The following B3GALT1 variants were observed in gnomAD, a reference collection of about 807,000 sequenced individuals.
B3GALT1 encodes the protein UDP-Gal:betaGlcNAc beta 1,3-galactosyltransferase, polypeptide 1.
B3GALT1 carries 10 observed loss-of-function variants against 23.2 expected under a neutral mutation model. The ratio of observed to expected loss-of-function variants is 0.43; its 90% CI spans 0.27 to 0.73. The LOEUF (loss-of-function observed/expected upper bound fraction) is 0.73. B3GALT1 is among the 30% of genes least tolerant of loss of function. The pLI is 0.21. For synonymous variants in B3GALT1, 156 were observed against 141.5 expected, an observed-to-expected ratio of 1.10 and a Z score of -0.73; for missense variants, 299 against 405.4, an observed-to-expected ratio of 0.74 and a Z score of 2.25.
intron 2 of B3GALT1, among the ~76,000 whole-genome samples, chr2:167,499,672 T>A (rs1699825382): frequency 6.6e-6 from 1 of 152,046 alleles, no homozygotes; most frequent in African/African-American, 2.4e-5. Flanking sequence ...TATGCATGGA[T>A]TTTTCCCCCT....
In B3GALT1 at chr2:167,424,760, G is replaced by A. The variant is rs76703557; in HGVS notation, c.-510-65417G>A. Among the ~76,000 whole-genome samples, 770 of 152,224 alleles carry A rather than the reference G, an allele frequency of 5.1e-3. 8 individuals are homozygous for A. Among genetic ancestry groups the A allele is most frequent in the African/African-American group, 0.018 (736 of 41,528 alleles). ...TAGCCATTCCCTTTTATAGCCAACG[G>A]GGTTCTTGTGAGAGATTATAGAATT... On this transcript the variant is annotated intron_variant, in intron 1 of 4. Coordinates refer to ENST00000392690, the MANE Select transcript of B3GALT1 (RefSeq NM_020981.4).
At chr2:167,546,266 T>C (rs549118391) in intron 2 of B3GALT1, among the ~76,000 whole-genome samples, 1 of 152,330 alleles carries the variant, frequency 6.6e-6, no homozygotes, top group African/African-American at 2.4e-5. Context: ...ATATATGACA[T>C]AACTCAGAGA....
intron 1 of B3GALT1, among the ~76,000 whole-genome samples, chr2:167,383,682 T>G (rs1366783322): frequency 6.6e-6 from 1 of 152,226 alleles, no homozygotes; most frequent in African/African-American, 2.4e-5. Context: ...TGCTCAATAA[T>G]TTTTTAAGCA....
In B3GALT1 at chr2:167,385,490, A is replaced by ATTACTTG. The variant is rs1323127551; in HGVS notation, c.-511+92156_-511+92157insTTACTTG. 3.6e-3 allele frequency among the ~76,000 whole-genome samples: 547 copies of ATTACTTG among 152,342 alleles called. 1 individual carries two copies. Among genetic ancestry groups the ATTACTTG allele is most frequent in the Middle Eastern group, 0.017 (5 of 294 alleles). On this transcript the variant is annotated intron_variant, in intron 1 of 4. Coordinates refer to ENST00000392690, the MANE Select transcript of B3GALT1 (RefSeq NM_020981.4). The stretch of plus-strand genomic sequence containing the variant: ...AGTACCCATTACTTGGTACATGCTC[A>ATTACTTG]GTAAATATTTGAATTTATTGTATGT...
At chr2:167,648,454 T>A (rs185939143) in intron 3 of B3GALT1, among the ~76,000 whole-genome samples, 2 of 152,146 alleles carry the variant, frequency 1.3e-5, no homozygotes, top group African/African-American at 4.8e-5. Flanking sequence ...GAAATGTCTC[T>A]ACTCATCCCA....
Position 167,582,353 on chromosome 2 carries a change from G to A in B3GALT1, c.-409-64556G>A, listed in dbSNP as rs577416471. Among the ~76,000 whole-genome samples, 26 of 152,256 alleles carry A rather than the reference G, an allele frequency of 1.7e-4. No homozygotes were observed. In the South Asian group the frequency reaches 2.3e-3, roughly 13 times the overall value. ...AGTTGTTTTAACAATAGTAATAAGC[G>A]TTATGAGACTGGCTTTGTGGTTAGC... On this transcript the variant is annotated intron_variant, in intron 2 of 4. Transcript: ENST00000392690.
chr2:167,479,718 G>A (rs1242824163), intron 1 of B3GALT1, among the ~76,000 whole-genome samples: 1 of 151,904 alleles, frequency 6.6e-6, no homozygotes, highest in Non-Finnish European at 1.5e-5. Flanking sequence ...TCACCCAATG[G>A]GTTTTTCTTG....
chr2:167,761,578 T>TTG (rs1439022174), intron 3 of B3GALT1, among the ~76,000 whole-genome samples: 2 of 152,238 alleles, frequency 1.3e-5, no homozygotes, highest in African/African-American at 4.8e-5. Flanking sequence ...AGAGGAGAGA[T>TTG]TGTGAAAGAG....
chr2:167,735,322 A>G (rs978578441), intron 3 of B3GALT1, among the ~76,000 whole-genome samples: 6 of 152,210 alleles, frequency 3.9e-5, no homozygotes, highest in African/African-American at 1.4e-4. Flanking sequence ...TTTTATTAAT[A>G]TATTTCCTAG....
At chr2:167,409,170 G>T (rs1236553845) in intron 1 of B3GALT1, among the ~76,000 whole-genome samples, 2 of 152,080 alleles carry the variant, frequency 1.3e-5, no homozygotes, top group East Asian at 3.9e-4. Context: ...TTTCTCTCTG[G>T]CTGTTCTTAA....
At chr2:167,634,959 TG>T (rs879695213) in intron 2 of B3GALT1, among the ~76,000 whole-genome samples, 46 of 152,298 alleles carry the variant, frequency 3.0e-4, no homozygotes, top group Admixed American at 2.9e-3. Context: ...TATAAAATAC[TG>T]GCAAACTGAA....
At chr2:167,352,425 A>G (rs1337407483) in intron 1 of B3GALT1, among the ~76,000 whole-genome samples, 2 of 151,660 alleles carry the variant, frequency 1.3e-5, no homozygotes, top group Non-Finnish European at 2.9e-5. Context: ...AATAATTAAG[A>G]TATCTCGAAA....
intron 3 of B3GALT1, among the ~76,000 whole-genome samples, chr2:167,793,056 C>T (rs572847940): frequency 3.3e-5 from 5 of 152,054 alleles, no homozygotes; most frequent in East Asian, 1.9e-4. Flanking sequence ...TTATATAAAC[C>T]GAAAAGGAGT....
intron 4 of B3GALT1, among the ~76,000 whole-genome samples, chr2:167,853,058 C>T (rs1484653855): frequency 2.6e-5 from 4 of 152,138 alleles, no homozygotes; most frequent in Non-Finnish European, 4.4e-5. Context: ...GTTATTTTCC[C>T]ATTTGAGGTA....
chr2:167,787,348 A>G (rs954651675), intron 3 of B3GALT1, among the ~76,000 whole-genome samples: 5 of 152,208 alleles, frequency 3.3e-5, no homozygotes, highest in African/African-American at 1.2e-4. Context: ...AGCTCCTTAG[A>G]TAAGTAATGC....
intron 4 of B3GALT1, among the ~76,000 whole-genome samples, chr2:167,844,853 T>C (rs1689723246): frequency 6.6e-6 from 1 of 152,044 alleles, no homozygotes; most frequent in South Asian, 2.1e-4. Flanking sequence ...TGGGGCAGGT[T>C]TTCAAGCCTG....
chr2:167,549,556 A>G (rs1163649845), intron 2 of B3GALT1, among the ~76,000 whole-genome samples: 1 of 152,118 alleles, frequency 6.6e-6, no homozygotes, highest in Non-Finnish European at 1.5e-5. Context: ...ATTCTTACCT[A>G]CATCTTTATG....
chr2:167,365,328 T>G (rs2105265787), intron 1 of B3GALT1, among the ~76,000 whole-genome samples: 1 of 152,282 alleles, frequency 6.6e-6, no homozygotes, highest in African/African-American at 2.4e-5. Context: ...TAAAGCTGCC[T>G]GAAAACCTGG....
chr2:167,432,973 G>C (rs1698727254), intron 1 of B3GALT1, among the ~76,000 whole-genome samples: 1 of 152,096 alleles, frequency 6.6e-6, no homozygotes, highest in South Asian at 2.1e-4. Flanking sequence ...CCTCACTCTT[G>C]GTATTGTACA....
Sources: gnomAD v4.1 joint callset for allele counts (sites outside exome capture counted in the v4.1 genomes callset) on GRCh38, gnomAD v4.1.1 for gene constraint, MANE v1.5 for transcripts, NCBI Gene and HGNC (gene_info 2026-07-23, HGNC 2026-07-21) for gene names.